REDIC1: variants seen among roughly 807,000 people sequenced by gnomAD.
REDIC1 encodes HEI10 Interacting Protein 1.
At chr12:39,803,569 T>TAC in the REDIC1 span, among the ~76,000 whole-genome samples, 12 of 152,040 alleles carry the variant, frequency 7.9e-5, no homozygotes, top group East Asian at 2.3e-3. Context: ...TACACACACA[T>TAC]ACACACACAT....
At chr12:39,840,494 T>G in the REDIC1 span, among the ~76,000 whole-genome samples, 2 of 152,058 alleles carry the variant, frequency 1.3e-5, no homozygotes, top group East Asian at 1.9e-4. Context: ...CTACTTGCCA[T>G]TTCTCCATAG....
the REDIC1 span, among the ~76,000 whole-genome samples, chr12:39,811,336 C>A: frequency 6.6e-6 from 1 of 151,916 alleles, no homozygotes; most frequent in Middle Eastern, 3.4e-3. Context: ...TTATATCTTT[C>A]CTTCTAATTA....
the REDIC1 span, among the ~76,000 whole-genome samples, chr12:39,690,125 A>G: frequency 2.6e-5 from 4 of 152,208 alleles, no homozygotes; most frequent in Non-Finnish European, 4.4e-5. Context: ...GGGTAGGAGT[A>G]GAAAGAGGGC....
the REDIC1 span, chr12:39,692,075 T>G: frequency 1.3e-6 from 2 of 1,580,008 alleles, no homozygotes; most frequent in Admixed American, 3.5e-5. Flanking sequence ...GAGGAATATA[T>G]TCTTTAAAAA....
At chr12:39,861,019 G>A in the REDIC1 span, among the ~76,000 whole-genome samples, 6 of 152,286 alleles carry the variant, frequency 3.9e-5, no homozygotes, top group East Asian at 1.2e-3. Flanking sequence ...TGTCTTAATA[G>A]TCTTATCTGA....
chr12:39,647,912 A>G, the REDIC1 span: 2 of 1,607,584 alleles, frequency 1.2e-6, no homozygotes, highest in Non-Finnish European at 1.7e-6. Context: ...TTCAAAACTA[A>G]ATTTCACATC....
the REDIC1 span, among the ~76,000 whole-genome samples, chr12:39,780,690 T>G: frequency 6.6e-6 from 1 of 152,204 alleles, no homozygotes; most frequent in Non-Finnish European, 1.5e-5. Context: ...AGAGTAGTGA[T>G]GTCAACACTA....
chr12:39,771,972 T>C, the REDIC1 span, among the ~76,000 whole-genome samples: 2 of 152,176 alleles, frequency 1.3e-5, no homozygotes, highest in African/African-American at 4.8e-5. Context: ...TGATATCTAC[T>C]GTCAGTATCT....
chr12:39,683,526 A>C, the REDIC1 span: 213 of 1,409,018 alleles, frequency 1.5e-4, no homozygotes, highest in Non-Finnish European at 1.2e-4. Context: ...ATCAGGATCT[A>C]GTATGATGCA....
the REDIC1 span, among the ~76,000 whole-genome samples, chr12:39,769,144 C>T: frequency 6.6e-6 from 1 of 152,038 alleles, no homozygotes; most frequent in Non-Finnish European, 1.5e-5. Context: ...CCTAATGATG[C>T]TTATTTTATC....
At chr12:39,760,177 C>T in the REDIC1 span, 1 of 1,612,802 alleles carries the variant, frequency 6.2e-7, no homozygotes, top group Non-Finnish European at 8.5e-7. Flanking sequence ...TAATTTTTTG[C>T]CTTTGGTCTC....
At chr12:39,871,974 G>C in the REDIC1 span, 2 of 1,549,944 alleles carry the variant, frequency 1.3e-6, no homozygotes, top group Non-Finnish European at 1.7e-6. Context: ...GCAAAGCAAT[G>C]AATAAAACAA....
chr12:39,805,432 T>C, the REDIC1 span, among the ~76,000 whole-genome samples: 2 of 151,774 alleles, frequency 1.3e-5, no homozygotes, highest in African/African-American at 4.8e-5. Flanking sequence ...TCTGGGTACA[T>C]CGTGAAGGAG....
the REDIC1 span, among the ~76,000 whole-genome samples, chr12:39,906,260 C>T: frequency 6.6e-6 from 1 of 152,090 alleles, no homozygotes; most frequent in Non-Finnish European, 1.5e-5. Context: ...AGGCTATGGG[C>T]AAATTACTAC....
chr12:39,712,957 GC>G, the REDIC1 span, among the ~76,000 whole-genome samples: 1 of 138,084 alleles, frequency 7.2e-6, no homozygotes, highest in Non-Finnish European at 1.6e-5. Context: ...ATACATATAT[GC>G]ATATACGTGT....
the REDIC1 span, among the ~76,000 whole-genome samples, chr12:39,711,784 TATGTGTGTGTACACATGC>T: frequency 7.5e-6 from 1 of 133,238 alleles, no homozygotes; most frequent in African/African-American, 2.8e-5. Context: ...CATGCATGTG[TATGTGTGTGTACACATGC>T]ATGTGTATGT....
At chr12:39,692,150 A>T in the REDIC1 span, 1 of 1,427,432 alleles carries the variant, frequency 7.0e-7, no homozygotes, top group South Asian at 1.4e-5. Context: ...ACTCTATTTT[A>T]AAAACTAACA....
the REDIC1 span, among the ~76,000 whole-genome samples, chr12:39,701,852 C>A: frequency 1.8e-3 from 269 of 151,852 alleles, no homozygotes; most frequent in African/African-American, 5.8e-3. Flanking sequence ...GGGTACATAA[C>A]GAAATGAAGG....
chr12:39,742,571 GT>G, the REDIC1 span, among the ~76,000 whole-genome samples: 1 of 152,126 alleles, frequency 6.6e-6, no homozygotes, highest in Admixed American at 6.5e-5. Flanking sequence ...TGCCCGTGAA[GT>G]CCTCAGAAAA....
Sources: gnomAD v4.1 joint callset for allele counts (sites outside exome capture counted in the v4.1 genomes callset) on GRCh38, gnomAD v4.1.1 for gene constraint, MANE v1.5 for transcripts, NCBI Gene and HGNC (gene_info 2026-07-23, HGNC 2026-07-21) for gene names.